SGCZ: variants seen among roughly 807,000 people sequenced by gnomAD.
The protein encoded by SGCZ is sarcoglycan zeta.
Under a neutral mutation model 41.3 loss-of-function variants are expected in SGCZ, and 40 were observed. That is an observed-to-expected ratio of 0.97 (90% CI 0.75 to 1.26). The LOEUF is 1.26. Among genes scored for constraint, SGCZ ranks in the 50% most tolerant of loss-of-function variants. SGCZ has a pLI of 0.00. For missense variants in SGCZ, 552 were observed against 369.8 expected (o/e 1.49, Z -4.04); for synonymous variants, 206 against 137.5 (o/e 1.50, Z -3.49).
chr8:14,505,217 C>T (rs1802270036), intron 2 of SGCZ, among the ~76,000 whole-genome samples: 1 of 151,980 alleles, frequency 6.6e-6, no homozygotes, highest in Admixed American at 6.6e-5. Flanking sequence ...CTTAAGTACT[C>T]TGCATATGGT....
intron 1 of SGCZ, among the ~76,000 whole-genome samples, chr8:14,803,891 C>G (rs1359026903): frequency 1.1e-5 from 1 of 87,602 alleles, no homozygotes; most frequent in Non-Finnish European, 2.0e-5. Context: ...TGAGAACGGG[C>G]AGACTGCCTC....
intron 1 of SGCZ, among the ~76,000 whole-genome samples, chr8:15,178,145 T>TAAA (rs1800055505): frequency 6.6e-6 from 1 of 152,096 alleles, no homozygotes; most frequent in African/African-American, 2.4e-5. Flanking sequence ...GGAATTTCTC[T>TAAA]AAAGCACTTT....
chr8:14,573,172 A>C (rs1035301684), intron 1 of SGCZ, among the ~76,000 whole-genome samples: 35 of 148,532 alleles, frequency 2.4e-4, no homozygotes, highest in African/African-American at 8.6e-4. Context: ...ATTTGCCTCC[A>C]AGCTTTCTTA....
In SGCZ at chr8:14,774,024, C is replaced by T. The variant is rs534356851; in HGVS notation, c.40-219098G>A. On this transcript the variant is annotated intron_variant, in intron 1 of 7. Transcript: ENST00000382080. ...GTGACAACTTGGTTGGACCACTCGG[C>T]TCAGATATGCAGTCAAGCATTATTC... Among the ~76,000 whole-genome samples, 5 of 152,264 alleles carry T rather than the reference C, an allele frequency of 3.3e-5. No individual in the cohort carries two copies. The South Asian group carries it at 8.3e-4, about 25-fold the overall frequency.
intron 1 of SGCZ, among the ~76,000 whole-genome samples, chr8:14,837,478 C>T (rs1447334965): frequency 6.6e-6 from 1 of 152,136 alleles, no homozygotes; most frequent in East Asian, 1.9e-4. Context: ...ATTGGCTGCT[C>T]ATATAGGGAC....
intron 1 of SGCZ, among the ~76,000 whole-genome samples, chr8:15,131,625 C>T (rs1026154599): frequency 2.6e-5 from 4 of 152,052 alleles, no homozygotes; most frequent in South Asian, 2.1e-4. Flanking sequence ...AAAGACATCC[C>T]GATTTCTGTG....
intron 1 of SGCZ, among the ~76,000 whole-genome samples, chr8:14,700,149 T>C (rs1253204382): frequency 6.6e-6 from 1 of 151,860 alleles, no homozygotes; most frequent in African/African-American, 2.4e-5. Flanking sequence ...AAAAGATACA[T>C]GCACTAGAAC....
chr8:14,614,327 G>T (rs1428144194), intron 1 of SGCZ, among the ~76,000 whole-genome samples: 2 of 151,992 alleles, frequency 1.3e-5, no homozygotes, highest in East Asian at 3.9e-4. Context: ...TTACAGTAAT[G>T]AATATAATTC....
intron 1 of SGCZ, among the ~76,000 whole-genome samples, chr8:15,079,013 C>T (rs1805645902): frequency 6.6e-6 from 1 of 152,010 alleles, no homozygotes; most frequent in African/African-American, 2.4e-5. Context: ...CAAATTATAT[C>T]TTTGAGCCTT....
rs1585124439 is a variant in SGCZ, at chr8:14,090,763, A to G, written c.745-126T>C. 4 of 817,566 alleles carry G rather than the reference A, an allele frequency of 4.9e-6. No individual in the cohort carries two copies. In the East Asian group the frequency reaches 1.1e-4, roughly 22 times the overall value. The allele number at this position is 817,566 out of a possible 1,614,324, so 50.6% of individuals were successfully genotyped here. On this transcript the variant is annotated intron_variant, in intron 7 of 7. Coordinates refer to ENST00000382080, the MANE Select transcript of SGCZ (RefSeq NM_139167.4). Reference sequence around the variant, plus strand: ...CAAACAATTCCATGGTTTAGCTGCCATGCTTTGTTGAACAAACAAATTACA... The same window carrying G: ...CAAACAATTCCATGGTTTAGCTGCCGTGCTTTGTTGAACAAACAAATTACA...
intron 1 of SGCZ, among the ~76,000 whole-genome samples, chr8:14,837,952 C>A (rs76497791): frequency 6.6e-6 from 1 of 151,672 alleles, no homozygotes; most frequent in Admixed American, 6.6e-5. Context: ...TTAGTTATTT[C>A]GAATTATACA....
intron 2 of SGCZ, among the ~76,000 whole-genome samples, chr8:14,473,051 T>A (rs1442630628): frequency 6.6e-6 from 1 of 152,120 alleles, no homozygotes; most frequent in Admixed American, 6.5e-5. Flanking sequence ...GTCTTGCTAA[T>A]TCTGAATGAT....
intron 1 of SGCZ, among the ~76,000 whole-genome samples, chr8:14,633,740 G>A (rs142290971): frequency 3.0e-4 from 45 of 151,830 alleles, no homozygotes; most frequent in African/African-American, 1.1e-3. Context: ...CCTCCAGGCA[G>A]GTAGAGCTTA....
chr8:14,813,293 AT>A (rs1379945789), intron 1 of SGCZ, among the ~76,000 whole-genome samples: 10 of 152,170 alleles, frequency 6.6e-5, no homozygotes, highest in African/African-American at 2.4e-4. Context: ...ATGAAATTTC[AT>A]TTTTTAATAT....
chr8:14,093,539 C>G lies in SGCZ; in HGVS notation c.745-2902G>C, dbSNP rs148887242. The stretch of plus-strand genomic sequence containing the variant: ...GCACTATGGCCTCATAGTATTTTTA[C>G]TATTTCCTCAAACCGAAATACTTTT... On this transcript the variant is annotated intron_variant, in intron 7 of 7. Transcript: ENST00000382080. 3.7e-4 allele frequency among the ~76,000 whole-genome samples: 56 copies of G among 152,160 alleles called. 1 individual carries two copies. The highest frequency in any genetic ancestry group is 1.3e-3 in the African/African-American group (53 of 41,540).
chr8:14,763,042 A>T (rs527449271), intron 1 of SGCZ, among the ~76,000 whole-genome samples: 10 of 152,344 alleles, frequency 6.6e-5, no homozygotes, highest in African/African-American at 2.2e-4. Flanking sequence ...CGTCCAACAC[A>T]ATAAGAATTA....
intron 1 of SGCZ, among the ~76,000 whole-genome samples, chr8:15,086,341 C>G (rs892100060): frequency 1.3e-5 from 2 of 152,120 alleles, no homozygotes; most frequent in African/African-American, 4.8e-5. Context: ...TTGGAAAAGA[C>G]CATTCGCATA....
intron 2 of SGCZ, among the ~76,000 whole-genome samples, chr8:14,486,104 A>C (rs1307420332): frequency 1.3e-5 from 2 of 152,222 alleles, no homozygotes; most frequent in Admixed American, 1.3e-4. Context: ...TTCAAAAAAT[A>C]TGTAACTATG....
At chr8:15,150,313 A>G (rs2117016444) in intron 1 of SGCZ, among the ~76,000 whole-genome samples, 1 of 152,350 alleles carries the variant, frequency 6.6e-6, no homozygotes, top group East Asian at 1.9e-4. Flanking sequence ...TTCTGAATAT[A>G]TAAAATAAAA....
Sources: gnomAD v4.1 joint callset for allele counts (sites outside exome capture counted in the v4.1 genomes callset) on GRCh38, gnomAD v4.1.1 for gene constraint, MANE v1.5 for transcripts, NCBI Gene and HGNC (gene_info 2026-07-23, HGNC 2026-07-21) for gene names.